The following HOMEZ variants were observed in gnomAD, a reference collection of about 807,000 sequenced individuals.
The protein encoded by HOMEZ is homeobox and leucine zipper protein Homez.
In HOMEZ, 20 loss-of-function variants were observed where a neutral mutation model predicts 50.1. That is an observed-to-expected ratio of 0.40 (90% confidence interval 0.28 to 0.58). The LOEUF is 0.58. HOMEZ is among the 20% of genes least tolerant of loss of function. The pLI is 0.46. For synonymous variants in HOMEZ, 239 were observed against 254.7 expected (o/e 0.94, Z 0.59); for missense variants, 579 against 680.5 (o/e 0.85, Z 1.66).
intron 1 of HOMEZ, among the ~76,000 whole-genome samples, chr14:23,278,819 G>A (rs1594963731): frequency 6.6e-6 from 1 of 152,072 alleles, no homozygotes; most frequent in Non-Finnish European, 1.5e-5. Context: ...GGGACTACAG[G>A]CGTGTGCCAC....
Position 23,273,282 on chromosome 14 carries a change from TC to T in HOMEZ, c.*2292del, listed in dbSNP as rs202155697. The T allele has an allele frequency of 0.011, 1,763 of 157,260 alleles. 9 individuals are homozygous for T. The highest frequency in any genetic ancestry group is 0.016 in the Non-Finnish European group (1,123 of 71,356). 9.7% of individuals were successfully genotyped at this position (157,260 alleles called of 1,614,324 possible). ...TTCATTTTTAGCTTTGGATATACTG[TC>T]CCATTGCCAATGTTAACGAGCAATA... is the stretch of plus-strand genomic sequence containing the variant. On this transcript the variant is annotated 3_prime_UTR_variant, in exon 2 of 2. Coordinates refer to ENST00000357460, the MANE Select transcript of HOMEZ (RefSeq NM_020834.3).
rs1886239923 is a variant in HOMEZ, at chr14:23,273,196, T to C, written c.*2379A>G. The C allele has an allele frequency of 1.8e-5, 4 of 223,410 alleles. No individual in the cohort carries two copies. The highest frequency in any genetic ancestry group is 1.5e-4 in the Admixed American group (3 of 19,676). The allele number at this position is 223,410 out of a possible 1,614,324, so 13.8% of individuals were successfully genotyped here. ...AAATAATTCTTGGCATCATGCTTGG[T>C]TGGGAGTTGGGAATGGGGATTGTGA... On this transcript the variant is annotated 3_prime_UTR_variant, in exon 2 of 2. Coordinates refer to ENST00000357460, the MANE Select transcript of HOMEZ (RefSeq NM_020834.3).
Position 23,275,915 on chromosome 14 carries a change from G to C in HOMEZ, c.1313C>G (p.Pro438Arg). The C allele has an allele frequency of 6.2e-7, 1 of 1,606,396 alleles. No individual in the cohort carries two copies. The highest frequency in any genetic ancestry group is 1.1e-5 in the South Asian group (1 of 89,716). ...GTTCAAGGAGCGGGTTGATGGTGGT[G>C]GTGTAGGAATTGCTGGGTCTTGGAA... ...PSFQDPAIPT[P>R]PPSTRSLNER... The change falls in exon 2 of 2, where the codon CCA becomes CGA. Residue 438 changes from proline (P) to arginine (R), a missense_variant. By Grantham distance (103) the Pro-to-Arg change is moderately radical. Transcript: ENST00000357460.
chr14:23,276,747 C>G lies in HOMEZ; in HGVS notation c.481G>C (p.Glu161Gln), dbSNP rs555718213. 1 of 1,614,054 alleles carries G rather than the reference C, an allele frequency of 6.2e-7. No individual in the cohort carries two copies. Among genetic ancestry groups the G allele is most frequent in the Non-Finnish European group, 8.5e-7 (1 of 1,179,892 alleles). Residue 161 changes from glutamate to glutamine, a missense_variant, in exon 2 of 2, where the codon GAG (glutamate) becomes CAG (glutamine). Coordinates refer to ENST00000357460, the MANE Select transcript of HOMEZ (RefSeq NM_020834.3). The surrounding 1 kb of genome is among the most constrained non-coding windows in gnomAD (Gnocchi z 4.1). Reference sequence around the variant, plus strand: ...GGACCTATTCCAATACCAACTTGCTCTGGAGCTGGCACTGGAGGAGGAGGC... The same window carrying G: ...GGACCTATTCCAATACCAACTTGCTGTGGAGCTGGCACTGGAGGAGGAGGC... Reference protein sequence around the residue: ...EVPPPPVPAPEQVGIGIGPPT... With the variant: ...EVPPPPVPAPQQVGIGIGPPT...
intron 1 of HOMEZ, among the ~76,000 whole-genome samples, chr14:23,280,740 A>ATTATTTTATTTTATTTTTATT (rs1886517400): frequency 2.4e-5 from 1 of 41,264 alleles, no homozygotes; most frequent in Admixed American, 3.6e-4. Context: ...ATTTTATTTT[A>ATTATTTTATTTTATTTTTATT]TTATTTTATT....
Position 23,272,686 on chromosome 14 carries a change from A to T in HOMEZ, c.*2889T>A, listed in dbSNP as rs1447888859. 3 of 672,512 alleles carry T rather than the reference A, an allele frequency of 4.5e-6. No homozygotes were observed. The highest frequency in any genetic ancestry group is 8.0e-6 in the Non-Finnish European group (3 of 374,214). 41.7% of individuals were successfully genotyped at this position (672,512 alleles called of 1,614,324 possible). On this transcript the variant is annotated 3_prime_UTR_variant, in exon 2 of 2. Transcript: ENST00000357460. Reference sequence around the variant, plus strand: ...TCCTAGTTTGGAAAAGTTAGTTATCATGCAATGAAGAAAACTATGGGGAAG... The same window carrying T: ...TCCTAGTTTGGAAAAGTTAGTTATCTTGCAATGAAGAAAACTATGGGGAAG...
chr14:23,285,604 G>C, intron 1 of HOMEZ: 1 of 315,054 alleles, frequency 3.2e-6, no homozygotes, highest in African/African-American at 2.1e-5. Flanking sequence ...AGTCCAGAAG[G>C]CTCCGAACTG....
intron 1 of HOMEZ, among the ~76,000 whole-genome samples, chr14:23,280,251 G>A (rs897629138): frequency 2.6e-5 from 4 of 152,028 alleles, no homozygotes; most frequent in Admixed American, 6.6e-5. Flanking sequence ...ATAGAGAGGG[G>A]AATGTTTCCT....
intron 1 of HOMEZ, among the ~76,000 whole-genome samples, chr14:23,281,782 G>A (rs1886561424): frequency 6.8e-6 from 1 of 147,862 alleles, no homozygotes; most frequent in Admixed American, 6.8e-5. Flanking sequence ...TGGGCAACAT[G>A]GTGAAACTGT....
At chr14:23,277,213 A>G in intron 1 of HOMEZ, 26 bp from the exon 2 acceptor site, 1 of 1,501,114 alleles carries the variant, frequency 6.7e-7, no homozygotes, top group African/African-American at 1.4e-5. Context: ...AAACAGCTCA[A>G]TCACTGGGTC....
chr14:23,276,332 G>T lies in HOMEZ; in HGVS notation c.896C>A (p.Ala299Asp). Reference protein sequence around the residue: ...SSSFQVLANGATAASKPLQPL... With the variant: ...SSSFQVLANGDTAASKPLQPL... The stretch of plus-strand genomic sequence containing the variant: ...CTGGAGGGGTTTAGAGGCGGCAGTA[G>T]CTCCATTAGCCAGTACCTGGAAAGA... The change falls in exon 2 of 2, where the codon GCT (alanine) becomes GAT (aspartate). Residue 299 changes from alanine to aspartate, a missense_variant. Transcript: ENST00000357460. This position sits in a 1 kb window ranked among gnomAD's most constrained non-coding sequence, Gnocchi z 4.1. The T allele has an allele frequency of 6.2e-7, 1 of 1,613,902 alleles. No individual in the cohort carries two copies. The highest frequency in any genetic ancestry group is 8.5e-7 in the Non-Finnish European group (1 of 1,179,850).
intron 1 of HOMEZ, among the ~76,000 whole-genome samples, chr14:23,281,312 G>C (rs531391224): frequency 1.0e-3 from 158 of 152,272 alleles, no homozygotes; most frequent in Non-Finnish European, 5.6e-4. Context: ...AATACTGCTT[G>C]AAGAGCCCCT....
chr14:23,280,768 A>ATTTTCTTTTCTTTTCTTTTC (rs1231985494), intron 1 of HOMEZ, among the ~76,000 whole-genome samples: 1 of 93,720 alleles, frequency 1.1e-5, no homozygotes, highest in Non-Finnish European at 2.4e-5. Flanking sequence ...ATTTTATTTT[A>ATTTTCTTTTCTTTTCTTTTC]TTTTATTTTA....
At chr14:23,280,370 G>GC (rs1189558913) in intron 1 of HOMEZ, among the ~76,000 whole-genome samples, 1 of 152,036 alleles carries the variant, frequency 6.6e-6, no homozygotes, top group Non-Finnish European at 1.5e-5. Context: ...GTCACTAACA[G>GC]CCCCCTCCAC....
intron 1 of HOMEZ, 76 bp from the exon 2 acceptor site, chr14:23,277,263 T>G: frequency 7.7e-7 from 1 of 1,306,438 alleles, no homozygotes; most frequent in Non-Finnish European, 1.0e-6. Context: ...CCAAACTAAC[T>G]GCTGGACACC....
chr14:23,278,670 A>T (rs1476415703), intron 1 of HOMEZ, among the ~76,000 whole-genome samples: 1 of 150,436 alleles, frequency 6.6e-6, no homozygotes, highest in African/African-American at 2.5e-5. Flanking sequence ...GGCCCTCAGA[A>T]TTGTTTGTTT....
chr14:23,276,676 C>T lies in HOMEZ; in HGVS notation c.552G>A (p.Glu184=), dbSNP rs1774204336. Residue 184 remains glutamate, a synonymous_variant, in exon 2 of 2, where the codon GAG becomes GAA. Coordinates refer to ENST00000357460, the MANE Select transcript of HOMEZ (RefSeq NM_020834.3). This position sits in a 1 kb window ranked among gnomAD's most constrained non-coding sequence, Gnocchi z 4.1. Reference sequence around the variant, plus strand: ...GTGGCATCTGAGAGGGCTCCTCAGGCTCTACCTTCAATCCTTTCGTCTGGG... The same window carrying T: ...GTGGCATCTGAGAGGGCTCCTCAGGTTCTACCTTCAATCCTTTCGTCTGGG... ...KPTQTKGLKV[E]PEEPSQMPPL... is the part of the protein sequence containing the mutation. The T allele has an allele frequency of 1.2e-6, 2 of 1,613,912 alleles. No homozygotes were observed. Among genetic ancestry groups the T allele is most frequent in the African/African-American group, 2.7e-5 (2 of 74,926 alleles).
rs751557370 is a variant in HOMEZ at position 23,275,574 on chromosome 14, C to A, written c.*1G>T. ...AGACCTCCCCTCCCCCAGCTCCCCA[C>A]TCAGTCTTGTATGATCACATCATCA... On this transcript the variant is annotated 3_prime_UTR_variant, in exon 2 of 2. Transcript: ENST00000357460. The A allele has an allele frequency of 1.1e-5, 17 of 1,532,010 alleles. No individual in the cohort carries two copies. In the Admixed American group the frequency reaches 3.4e-4, roughly 30 times the overall value. 94.9% of individuals were successfully genotyped at this position (1,532,010 alleles called of 1,614,324 possible).
Position 23,276,105 on chromosome 14 carries a change from AAAAG to A in HOMEZ, c.1119_1122del (p.Phe375TyrfsTer14). ...CGCCGTGCCCACTGGCACTGTAAAAAAAAGGATTTAAGGATAGCCAGCTGCTCTT... is the reference window on the plus strand; with the variant it reads ...CGCCGTGCCCACTGGCACTGTAAAAAGATTTAAGGATAGCCAGCTGCTCTT... On this transcript the variant is annotated frameshift_variant, in exon 2 of 2. Transcript: ENST00000357460. LOFTEE classifies it high-confidence loss of function. This position sits in a 1 kb window ranked among gnomAD's most constrained non-coding sequence, Gnocchi z 4.1. 1 of 1,614,036 alleles carries A rather than the reference AAAAG, an allele frequency of 6.2e-7. No individual in the cohort carries two copies. Among genetic ancestry groups the A allele is most frequent in the Non-Finnish European group, 8.5e-7 (1 of 1,179,888 alleles).
Sources: allele counts gnomAD v4.1 joint callset (sites outside exome capture counted in the v4.1 genomes callset), GRCh38; gene constraint gnomAD v4.1.1; non-coding constraint Gnocchi (gnomAD v3.1); transcripts MANE v1.5; gene names NCBI Gene and HGNC (gene_info 2026-07-23, HGNC 2026-07-21).